Variants in NCALD observed in about 807,000 individuals in gnomAD.
NCALD encodes the protein neurocalcin delta.
In NCALD, 10 loss-of-function variants were observed where a neutral mutation model predicts 18.6. The observed-to-expected ratio is 0.54, with a 90% CI of 0.33 to 0.91. The LOEUF (loss-of-function observed/expected upper bound fraction) is 0.91. NCALD is among the 40% of genes least tolerant of loss of function. The probability of loss-of-function intolerance (pLI) is 0.03; values close to 1 mark genes in which losing one functional copy is unlikely to be tolerated. For synonymous variants in NCALD, 88 were observed against 87.4 expected, an observed-to-expected ratio of 1.01 and a Z score of -0.04; for missense variants, 184 against 247.6, an observed-to-expected ratio of 0.74 and a Z score of 1.72.
At chr8:101,931,638 CT>C (rs1305840259) in intron 2 of NCALD, among the ~76,000 whole-genome samples, 1 of 149,478 alleles carries the variant, frequency 6.7e-6, no homozygotes, top group Non-Finnish European at 1.5e-5. Context: ...GTTTCTTTTC[CT>C]TTCTCGTATT....
At chr8:101,829,377 C>A (rs1271865026) in intron 4 of NCALD, among the ~76,000 whole-genome samples, 1 of 152,146 alleles carries the variant, frequency 6.6e-6, no homozygotes, top group African/African-American at 2.4e-5. Context: ...CACTACCCAT[C>A]TCATTATACA....
At chr8:101,865,582 G>A (rs1173219894) in intron 4 of NCALD, among the ~76,000 whole-genome samples, 2 of 151,872 alleles carry the variant, frequency 1.3e-5, no homozygotes, top group Non-Finnish European at 2.9e-5. Flanking sequence ...AATCCTCTGG[G>A]GTTCCCTTTC....
intron 1 of NCALD, among the ~76,000 whole-genome samples, chr8:102,107,994 G>A (rs1825526178): frequency 1.3e-5 from 2 of 152,182 alleles, no homozygotes; most frequent in Admixed American, 1.3e-4. Context: ...AGGGGCAGGA[G>A]GGGCCCTTCC....
intron 1 of NCALD, among the ~76,000 whole-genome samples, chr8:101,722,141 T>C (rs1239968060): frequency 6.6e-6 from 1 of 152,220 alleles, no homozygotes; most frequent in East Asian, 1.9e-4. Context: ...GAGTTCCCTC[T>C]TTAGGCAGAA....
intron 1 of NCALD, among the ~76,000 whole-genome samples, chr8:101,779,007 C>T (rs977117793): frequency 5.9e-5 from 9 of 152,028 alleles, no homozygotes; most frequent in Non-Finnish European, 1.3e-4. Context: ...GAATCAAAAT[C>T]AAAATGGCAG....
At chr8:101,734,058 C>T (rs1334677189) in intron 1 of NCALD, among the ~76,000 whole-genome samples, 1 of 152,150 alleles carries the variant, frequency 6.6e-6, no homozygotes, top group East Asian at 1.9e-4. Context: ...ATGGCCTTCT[C>T]CAGGAGGAGC....
In NCALD at chr8:101,695,064, C is replaced by T. The variant is rs1814927974; in HGVS notation, c.379-2168G>A. On this transcript the variant is annotated intron_variant, in intron 2 of 3. Transcript: ENST00000220931. ...CACCAACTATGAAAACATGCACACC[C>T]CTCACATACATTTCAAGCTCATATG... 4.6e-5 allele frequency among the ~76,000 whole-genome samples: 7 copies of T among 152,222 alleles called. No individual in the cohort carries two copies. The South Asian group carries it at 1.5e-3, about 32-fold the overall frequency.
intron 2 of NCALD, among the ~76,000 whole-genome samples, chr8:101,982,831 AC>A (rs1189629675): frequency 2.2e-5 from 3 of 137,450 alleles, no homozygotes; most frequent in African/African-American, 3.2e-5. Context: ...ACAGAGCGAG[AC>A]CCCATCTCAA....
Position 101,689,295 on chromosome 8 carries a change from G to C in NCALD, c.*14C>G. ...ACACAAGCAGCTCTACAATTCGATT[G>C]GTGGGCGCAGGGCTCAGAACTGGCC... is the stretch of plus-strand genomic sequence containing the variant. On this transcript the variant is annotated 3_prime_UTR_variant, in exon 4 of 4. Transcript: ENST00000220931. This position sits in a 1 kb window ranked among gnomAD's most constrained non-coding sequence, Gnocchi z 4.4. 2.5e-6 allele frequency: 4 copies of C among 1,611,326 alleles called. No homozygotes were observed. Among genetic ancestry groups the C allele is most frequent in the Non-Finnish European group, 3.4e-6 (4 of 1,178,082 alleles).
At chr8:102,023,715 A>T (rs1269714) in intron 1 of NCALD, among the ~76,000 whole-genome samples, 119,550 of 152,164 alleles carry the variant, frequency 0.79, 47,583 homozygotes, top group African/African-American at 0.9. Flanking sequence ...GAGACCAAGG[A>T]TTTGCCATAG....
intron 4 of NCALD, among the ~76,000 whole-genome samples, chr8:101,818,364 C>G (rs901212740): frequency 6.6e-5 from 10 of 152,144 alleles, no homozygotes; most frequent in African/African-American, 1.4e-4. Context: ...ACGCTAGCCC[C>G]TGGAGGTAAG....
intron 1 of NCALD, among the ~76,000 whole-genome samples, chr8:102,084,005 C>T (rs1799083012): frequency 6.6e-6 from 1 of 152,194 alleles, no homozygotes; most frequent in Admixed American, 6.5e-5. Flanking sequence ...ACCTCATGGG[C>T]CTGCTGTGAG....
chr8:102,085,063 G>A (rs1824691249), intron 1 of NCALD, among the ~76,000 whole-genome samples: 1 of 152,136 alleles, frequency 6.6e-6, no homozygotes, highest in Admixed American at 6.5e-5. Context: ...CCCCATTCCT[G>A]CAGGGTCTGT....
chr8:101,716,153 A>G (rs1816068042), intron 2 of NCALD, among the ~76,000 whole-genome samples: 1 of 152,186 alleles, frequency 6.6e-6, no homozygotes, highest in South Asian at 2.1e-4. Context: ...AAAAGAATAA[A>G]TTCATGTCCT....
intron 4 of NCALD, among the ~76,000 whole-genome samples, chr8:101,875,683 C>T (rs114421937): frequency 0.016 from 2,415 of 152,200 alleles, 24 homozygotes; most frequent in African/African-American, 0.032. Context: ...GATTCTAAGA[C>T]GCAACAAAGC....
At chr8:101,994,485 T>A (rs1821164575) in intron 2 of NCALD, among the ~76,000 whole-genome samples, 1 of 152,188 alleles carries the variant, frequency 6.6e-6, no homozygotes, top group South Asian at 2.1e-4. Flanking sequence ...GATATCCTAT[T>A]TATCTAGTAA....
intron 1 of NCALD, among the ~76,000 whole-genome samples, chr8:101,762,998 G>A (rs1257024551): frequency 6.6e-6 from 1 of 152,150 alleles, no homozygotes; most frequent in Non-Finnish European, 1.5e-5. Flanking sequence ...TATTAACTGT[G>A]GGACCCTAGC....
chr8:101,718,869 T>A (rs775488443), intron 2 of NCALD, among the ~76,000 whole-genome samples: 7 of 152,232 alleles, frequency 4.6e-5, no homozygotes, highest in Non-Finnish European at 1.0e-4. Flanking sequence ...TTCCAAGCTA[T>A]TTTCTCTGAA....
chr8:101,923,103 C>T (rs887846706), intron 2 of NCALD, among the ~76,000 whole-genome samples: 2 of 152,108 alleles, frequency 1.3e-5, no homozygotes, highest in Non-Finnish European at 2.9e-5. Flanking sequence ...TAGCATTTGG[C>T]CCTTTTTGTC....
Sources: allele counts gnomAD v4.1 joint callset (sites outside exome capture counted in the v4.1 genomes callset), GRCh38; gene constraint gnomAD v4.1.1; non-coding constraint Gnocchi (gnomAD v3.1); transcripts MANE v1.5; gene names NCBI Gene and HGNC (gene_info 2026-07-23, HGNC 2026-07-21).